The following APBB2 variants were observed in gnomAD, a reference collection of about 807,000 sequenced individuals.
The protein encoded by APBB2 is amyloid beta precursor protein binding family B member 2.
Under a neutral mutation model 82.5 loss-of-function variants are expected in APBB2, and 38 were observed. The ratio of observed to expected loss-of-function variants is 0.46; its 90% confidence interval spans 0.36 to 0.60. APBB2 has a LOEUF of 0.60. APBB2 is among the 20% of genes least tolerant of loss of function. APBB2 has a pLI of 0.00. For missense variants in APBB2, 772 were observed against 972.3 expected, an observed-to-expected ratio of 0.79 and a Z score of 2.74; for synonymous variants, 341 against 368.2, an observed-to-expected ratio of 0.93 and a Z score of 0.85.
At chr4:40,851,740 T>TATATATATA (rs1560700519) in intron 12 of APBB2, among the ~76,000 whole-genome samples, 21 of 39,914 alleles carry the variant, frequency 5.3e-4, no homozygotes, top group African/African-American at 1.4e-3. Context: ...ATATATATAT[T>TATATATATA]TTTTTTTTTT....
At chr4:41,047,713 T>C (rs1723955892) in intron 4 of APBB2, among the ~76,000 whole-genome samples, 1 of 152,232 alleles carries the variant, frequency 6.6e-6, no homozygotes, top group African/African-American at 2.4e-5. Flanking sequence ...TTTAACATTC[T>C]ACTCCACTGT....
intron 17 of APBB2, among the ~76,000 whole-genome samples, chr4:40,818,835 C>A (rs1191603072): frequency 1.3e-5 from 2 of 152,208 alleles, no homozygotes; most frequent in Non-Finnish European, 2.9e-5. Flanking sequence ...AGGTCAAATG[C>A]CTCTTTTCTA....
chr4:41,048,545 C>T (rs1428309052), intron 4 of APBB2, among the ~76,000 whole-genome samples: 1 of 152,158 alleles, frequency 6.6e-6, no homozygotes, highest in African/African-American at 2.4e-5. Flanking sequence ...ATAACTGCCA[C>T]ATATGTAGCA....
intron 3 of APBB2, among the ~76,000 whole-genome samples, chr4:41,071,403 G>A (rs565626590): frequency 3.4e-4 from 51 of 152,234 alleles, no homozygotes; most frequent in African/African-American, 8.4e-4. Context: ...GGAATAGGCC[G>A]GGCACGCTGG....
chr4:40,851,740 T>TATATATA (rs1560700519), intron 12 of APBB2, among the ~76,000 whole-genome samples: 15 of 39,944 alleles, frequency 3.8e-4, no homozygotes, highest in African/African-American at 1.3e-3. Flanking sequence ...ATATATATAT[T>TATATATA]TTTTTTTTTT....
In APBB2 at chr4:40,880,041, G is replaced by A. The variant is rs900717650; in HGVS notation, c.1529+10323C>T. On this transcript the variant is annotated intron_variant, in intron 12 of 17. Coordinates refer to ENST00000508593, the MANE Select transcript of APBB2 (RefSeq NM_004307.2). ...ATATTACTATGTTAATAAAAAGAGTGTCACTGGGAGCGATGGCACTTATGA... is the reference window on the plus strand; with the variant it reads ...ATATTACTATGTTAATAAAAAGAGTATCACTGGGAGCGATGGCACTTATGA... 5.1e-6 allele frequency: 5 copies of A among 985,248 alleles called. No homozygotes were observed. The Admixed American group carries it at 1.8e-4, about 36-fold the overall frequency. The allele number at this position is 985,248 out of a possible 1,614,324, so 61.0% of individuals were successfully genotyped here. A position where few individuals can be genotyped will look rare whatever the true frequency, so the allele number is the denominator to read the frequency against.
intron 3 of APBB2, among the ~76,000 whole-genome samples, chr4:41,077,940 T>C (rs1218227627): frequency 6.6e-6 from 1 of 152,202 alleles, no homozygotes; most frequent in African/African-American, 2.4e-5. Context: ...AGATGTGCCA[T>C]TGTGTTTGAC....
chr4:40,988,767 CTT>C (rs557265622), intron 6 of APBB2, among the ~76,000 whole-genome samples: 5 of 139,474 alleles, frequency 3.6e-5, no homozygotes, highest in Admixed American at 7.2e-5. Context: ...AATCCAAAGT[CTT>C]TTTTTTTTTT....
At chr4:40,963,184 A>T (rs1042035834) in intron 6 of APBB2, among the ~76,000 whole-genome samples, 1 of 152,042 alleles carries the variant, frequency 6.6e-6, no homozygotes, top group Admixed American at 6.6e-5. Context: ...CTGCTCTTGA[A>T]TTCTGGCATG....
intron 6 of APBB2, among the ~76,000 whole-genome samples, chr4:40,949,790 G>T (rs2154383214): frequency 6.6e-6 from 1 of 152,320 alleles, no homozygotes; most frequent in African/African-American, 2.4e-5. Context: ...TCAGCAATTT[G>T]CTTAAACTGA....
At chr4:41,158,405 C>T (rs941720638) in intron 1 of APBB2, among the ~76,000 whole-genome samples, 4 of 152,164 alleles carry the variant, frequency 2.6e-5, no homozygotes, top group Non-Finnish European at 5.9e-5. Context: ...TTTAGACACA[C>T]TAAGAAGTCA....
intron 1 of APBB2, among the ~76,000 whole-genome samples, chr4:41,145,153 G>A (rs1185168531): frequency 6.6e-6 from 1 of 152,010 alleles, no homozygotes; most frequent in African/African-American, 2.4e-5. Flanking sequence ...ATAAAAGAAT[G>A]CCTCCTGGTG....
At chr4:40,888,747 C>T (rs1237513322) in intron 12 of APBB2, among the ~76,000 whole-genome samples, 1 of 152,004 alleles carries the variant, frequency 6.6e-6, no homozygotes, top group Non-Finnish European at 1.5e-5. Context: ...CTGCCTCGCA[C>T]ACATATGTAG....
Position 41,068,059 on chromosome 4 carries a change from C to T in APBB2, c.-148-2386G>A, listed in dbSNP as rs544815692. On this transcript the variant is annotated intron_variant, in intron 3 of 17. Transcript: ENST00000508593. Reference sequence around the variant, plus strand: ...GAAGAAGAGGGGAGTCCACAATCCTCGGATATTAGAAGGAAAGTACAGTAG... The same window carrying T: ...GAAGAAGAGGGGAGTCCACAATCCTTGGATATTAGAAGGAAAGTACAGTAG... Among the ~76,000 whole-genome samples the T allele has an allele frequency of 3.3e-5, 5 of 152,240 alleles. No homozygotes were observed. The East Asian group carries it at 9.7e-4, about 29-fold the overall frequency.
intron 10 of APBB2, among the ~76,000 whole-genome samples, chr4:40,921,924 C>T (rs1474340069): frequency 6.6e-6 from 1 of 152,188 alleles, no homozygotes; most frequent in Non-Finnish European, 1.5e-5. Flanking sequence ...CTTTCTGCCC[C>T]TTCCTGAGCA....
chr4:41,102,320 T>C (rs1045442352), intron 2 of APBB2, among the ~76,000 whole-genome samples: 1 of 152,220 alleles, frequency 6.6e-6, no homozygotes, highest in Non-Finnish European at 1.5e-5. Flanking sequence ...ATTTATATAC[T>C]GTTAACTCTT....
At chr4:40,827,463 G>A (rs1019800140) in intron 13 of APBB2, among the ~76,000 whole-genome samples, 6 of 152,066 alleles carry the variant, frequency 3.9e-5, no homozygotes, top group African/African-American at 1.4e-4. Flanking sequence ...TGCTTGGAAT[G>A]GACTTCTTCC....
At chr4:40,844,634 T>C (rs928723232) in intron 12 of APBB2, among the ~76,000 whole-genome samples, 2 of 152,154 alleles carry the variant, frequency 1.3e-5, no homozygotes, top group Middle Eastern at 3.2e-3. Context: ...GCTACTCGGT[T>C]CCACCTATCA....
intron 5 of APBB2, among the ~76,000 whole-genome samples, chr4:41,021,655 A>C: frequency 6.6e-6 from 1 of 152,186 alleles, no homozygotes; most frequent in Non-Finnish European, 1.5e-5. Flanking sequence ...AAATGGACCA[A>C]TCAGCAGGAC....
Sources: gnomAD v4.1 joint callset for allele counts (sites outside exome capture counted in the v4.1 genomes callset) on GRCh38, gnomAD v4.1.1 for gene constraint, MANE v1.5 for transcripts, NCBI Gene and HGNC (gene_info 2026-07-23, HGNC 2026-07-21) for gene names.